NRXN3: variants seen among roughly 807,000 people sequenced by gnomAD.
NRXN3 encodes neurexin III.
Under a neutral mutation model 137.6 loss-of-function variants are expected in NRXN3, and 32 were observed. The observed-to-expected ratio is 0.23, with a 90% confidence interval of 0.18 to 0.31. The LOEUF (loss-of-function observed/expected upper bound fraction) is 0.31, where lower values mean the gene tolerates loss of function less well. Among genes scored for constraint, NRXN3 ranks in the 10% least tolerant of loss-of-function variants. The probability of loss-of-function intolerance (pLI) is 1.00; values close to 1 mark genes in which losing one functional copy is unlikely to be tolerated. For synonymous variants in NRXN3, 798 were observed against 784.5 expected (o/e 1.02, Z -0.29); for missense variants, 1,574 against 2,062.5 (o/e 0.76, Z 4.59).
At chr14:79,664,245 G>T (rs2098547644) in intron 17 of NRXN3, among the ~76,000 whole-genome samples, 1 of 152,116 alleles carries the variant, frequency 6.6e-6, no homozygotes, top group Non-Finnish European at 1.5e-5. Flanking sequence ...TAGATGAGGA[G>T]CAGTGAAGGG....
chr14:78,613,287 G>A (rs1176518920), intron 4 of NRXN3, among the ~76,000 whole-genome samples: 1 of 152,060 alleles, frequency 6.6e-6, no homozygotes, highest in Non-Finnish European at 1.5e-5. Context: ...TTCTTAAAAA[G>A]TAAAAGTGAC....
chr14:79,240,876 C>T (rs2074168214), intron 15 of NRXN3, among the ~76,000 whole-genome samples: 1 of 152,186 alleles, frequency 6.6e-6, no homozygotes, highest in Non-Finnish European at 1.5e-5. Flanking sequence ...ATTTTCATTA[C>T]ACCCATGCCA....
At chr14:78,955,158 C>G (rs929924367) in intron 10 of NRXN3, among the ~76,000 whole-genome samples, 1 of 152,154 alleles carries the variant, frequency 6.6e-6, no homozygotes, top group Non-Finnish European at 1.5e-5. Context: ...TTCTCCACGT[C>G]TTTCTTCACT....
At chr14:78,781,086 G>C (rs561309948) in intron 8 of NRXN3, among the ~76,000 whole-genome samples, 81 of 152,208 alleles carry the variant, frequency 5.3e-4, no homozygotes, top group Non-Finnish European at 1.1e-3. Flanking sequence ...TCCAATACTG[G>C]AGCAGAACAA....
chr14:79,068,444 C>T (rs956311886), intron 15 of NRXN3, among the ~76,000 whole-genome samples: 14 of 152,110 alleles, frequency 9.2e-5, no homozygotes, highest in African/African-American at 2.9e-4. Context: ...ATTTCTAAGT[C>T]GCCTACTTAA....
At chr14:78,186,013 G>A (rs1168911512) in intron 1 of NRXN3, among the ~76,000 whole-genome samples, 2 of 152,184 alleles carry the variant, frequency 1.3e-5, no homozygotes, top group Non-Finnish European at 1.5e-5. Flanking sequence ...AACTCCAGGG[G>A]TGGTAATGTC....
chr14:79,182,579 G>A (rs1478609949), intron 15 of NRXN3, among the ~76,000 whole-genome samples: 1 of 152,154 alleles, frequency 6.6e-6, no homozygotes, highest in African/African-American at 2.4e-5. Context: ...TGCGAGGAGT[G>A]GGGAGCGGCT....
At chr14:78,829,972 G>C (rs2098977251) in intron 10 of NRXN3, among the ~76,000 whole-genome samples, 1 of 152,146 alleles carries the variant, frequency 6.6e-6, no homozygotes, top group South Asian at 2.1e-4. Context: ...TCTGTGCTCT[G>C]TTAAGAATTG....
intron 4 of NRXN3, among the ~76,000 whole-genome samples, chr14:78,326,055 T>C (rs1354892859): frequency 1.3e-5 from 2 of 152,194 alleles, no homozygotes; most frequent in African/African-American, 2.4e-5. Context: ...AGCCTGCCCA[T>C]AGGATAACTG....
intron 4 of NRXN3, among the ~76,000 whole-genome samples, chr14:78,635,933 T>C (rs2097563233): frequency 6.6e-6 from 1 of 152,204 alleles, no homozygotes; most frequent in African/African-American, 2.4e-5. Flanking sequence ...TTTGACATTA[T>C]TGATATATTT....
intron 8 of NRXN3, among the ~76,000 whole-genome samples, chr14:78,782,908 C>T (rs1488465749): frequency 6.6e-6 from 1 of 152,076 alleles, no homozygotes; most frequent in Non-Finnish European, 1.5e-5. Flanking sequence ...GAGAGGTAAA[C>T]ATGAATAAGA....
chr14:78,470,510 C>A (rs2095240989), intron 4 of NRXN3, among the ~76,000 whole-genome samples: 1 of 151,784 alleles, frequency 6.6e-6, no homozygotes, highest in African/African-American at 2.4e-5. Context: ...TAAAGAGTTT[C>A]CAAAAATGTT....
intron 8 of NRXN3, among the ~76,000 whole-genome samples, chr14:78,760,208 A>G (rs552453057): frequency 1.9e-4 from 29 of 150,984 alleles, no homozygotes; most frequent in African/African-American, 6.3e-4. Flanking sequence ...ACACCTGGCT[A>G]ATTTTGTATT....
intron 15 of NRXN3, among the ~76,000 whole-genome samples, chr14:79,109,762 G>C (rs1443453359): frequency 6.6e-6 from 1 of 152,106 alleles, no homozygotes; most frequent in African/African-American, 2.4e-5. Context: ...AGTTTAAGGA[G>C]AATATTAGAC....
rs1447709196 is a variant in NRXN3, at chr14:78,234,358, C to T, written c.-703-8033C>T. On this transcript the variant is annotated intron_variant, in intron 1 of 20. Coordinates refer to ENST00000335750, the MANE Select transcript of NRXN3 (RefSeq NM_001330195.2). ...AACATTTATTTGGTACTTATCTGTGCTGAGCATTGTCCTAAGGGCTTTCAC... is the reference window on the plus strand; with the variant it reads ...AACATTTATTTGGTACTTATCTGTGTTGAGCATTGTCCTAAGGGCTTTCAC... 5.9e-5 allele frequency among the ~76,000 whole-genome samples: 9 copies of T among 152,352 alleles called. No individual in the cohort carries two copies. The East Asian group carries it at 1.7e-3, about 29-fold the overall frequency.
At chr14:78,793,190 G>A (rs2098810738) in intron 8 of NRXN3, among the ~76,000 whole-genome samples, 1 of 151,888 alleles carries the variant, frequency 6.6e-6, no homozygotes, top group South Asian at 2.1e-4. Flanking sequence ...AACAACCTGG[G>A]TAAACTAACT....
intron 15 of NRXN3, among the ~76,000 whole-genome samples, chr14:79,389,298 G>C (rs542300083): frequency 6.6e-6 from 1 of 152,306 alleles, no homozygotes; most frequent in African/African-American, 2.4e-5. Context: ...TTGCTGTTTT[G>C]TTCTATGATG....
At chr14:78,562,536 C>T (rs1031924224) in intron 4 of NRXN3, among the ~76,000 whole-genome samples, 1 of 151,730 alleles carries the variant, frequency 6.6e-6, no homozygotes, top group South Asian at 2.1e-4. Context: ...AAAAAATGAC[C>T]ACACTGTGAG....
chr14:78,705,419 A>G (rs2098336545), intron 6 of NRXN3, among the ~76,000 whole-genome samples: 1 of 152,162 alleles, frequency 6.6e-6, no homozygotes, highest in South Asian at 2.1e-4. Flanking sequence ...GGGAAGGTGA[A>G]GATATTAACA....
Sources: gnomAD v4.1 joint callset for allele counts (sites outside exome capture counted in the v4.1 genomes callset) on GRCh38, gnomAD v4.1.1 for gene constraint, MANE v1.5 for transcripts, NCBI Gene and HGNC (gene_info 2026-07-23, HGNC 2026-07-21) for gene names.